CENPC: variants seen among roughly 807,000 people sequenced by gnomAD.
CENPC encodes centromere protein C, also known as CENP-C 1.
Under a neutral mutation model 112.1 loss-of-function variants are expected in CENPC, and 63 were observed. The ratio of observed to expected loss-of-function variants is 0.56; its 90% CI spans 0.46 to 0.69. CENPC has a LOEUF of 0.69. CENPC is among the 30% of genes least tolerant of loss of function. The probability of loss-of-function intolerance (pLI) is 0.00; values close to 1 mark genes in which losing one functional copy is unlikely to be tolerated. For synonymous variants in CENPC, 333 were observed against 367.6 expected, an observed-to-expected ratio of 0.91 and a Z score of 1.08; for missense variants, 1,000 against 1,103.8, an observed-to-expected ratio of 0.91 and a Z score of 1.33.
intron 4 of CENPC, among the ~76,000 whole-genome samples, chr4:67,532,802 C>G (rs533285175): frequency 6.6e-6 from 1 of 151,978 alleles, no homozygotes; most frequent in Non-Finnish European, 1.5e-5. Flanking sequence ...ATGTAAATGA[C>G]GAGTTAACGG....
chr4:67,482,830 A>G (rs373813838), intron 17 of CENPC, among the ~76,000 whole-genome samples: 13 of 152,200 alleles, frequency 8.5e-5, no homozygotes, highest in African/African-American at 2.7e-4. Flanking sequence ...CCAAAATCTC[A>G]GAAATCACCA....
intron 5 of CENPC, among the ~76,000 whole-genome samples, chr4:67,519,730 A>G (rs1425224172): frequency 6.6e-6 from 1 of 152,220 alleles, no homozygotes; most frequent in African/African-American, 2.4e-5. Flanking sequence ...ATATTTACAC[A>G]TACACACATG....
chr4:67,512,691 A>G (rs951729574), intron 8 of CENPC, 122 bp from the exon 9 acceptor site: 1 of 638,670 alleles, frequency 1.6e-6, no homozygotes, highest in Admixed American at 3.7e-5. Context: ...TGGCCTTTTC[A>G]TCTCCATTTT....
chr4:67,497,568 T>C (rs1257488364), intron 12 of CENPC, among the ~76,000 whole-genome samples: 1 of 152,178 alleles, frequency 6.6e-6, no homozygotes, highest in Non-Finnish European at 1.5e-5. Flanking sequence ...AGTCTCACTC[T>C]GTCACCCAGG....
intron 4 of CENPC, among the ~76,000 whole-genome samples, chr4:67,532,642 C>T (rs992962589): frequency 1.3e-5 from 2 of 151,816 alleles, no homozygotes; most frequent in South Asian, 2.1e-4. Context: ...CAAACTATTG[C>T]GAGGACAGAA....
Position 67,492,982 on chromosome 4 carries a change from C to T in CENPC, c.2306G>A (p.Ser769Asn), listed in dbSNP as rs1265062849. ...TATTGTGTCTGGAGATAGTACTCCA[C>T]TAATCACGAATCCTCCTGAAATTTA... ...QGRPSGGFVI[S>N]GVLSPDTISS... The change falls in exon 15 of 19, where the codon AGT becomes AAT. Residue 769 changes from serine (S) to asparagine (N), a missense_variant. Ser to Asn is a conservative substitution (Grantham distance 46). Transcript: ENST00000273853. The T allele has an allele frequency of 4.6e-6, 7 of 1,526,580 alleles. No individual in the cohort carries two copies. In the African/African-American group the frequency reaches 9.8e-5, roughly 21 times the overall value. 94.6% of individuals were successfully genotyped at this position (1,526,580 alleles called of 1,614,324 possible).
chr4:67,544,490 T>C (rs898104493), intron 1 of CENPC, among the ~76,000 whole-genome samples: 3 of 152,320 alleles, frequency 2.0e-5, no homozygotes, highest in Middle Eastern at 3.4e-3. Context: ...GTAAAAAGTA[T>C]AGATTATATT....
At chr4:67,474,453 T>C (rs890354063) in intron 18 of CENPC, among the ~76,000 whole-genome samples, 10 of 152,218 alleles carry the variant, frequency 6.6e-5, no homozygotes, top group Admixed American at 3.3e-4. Context: ...CCTGTAATCA[T>C]AGCACTTTGG....
chr4:67,491,534 T>C (rs1332186113), intron 16 of CENPC, among the ~76,000 whole-genome samples: 5 of 42,148 alleles, frequency 1.2e-4, no homozygotes, highest in African/African-American at 2.9e-4. Context: ...GAGAGCCTGG[T>C]TGTTAAACAG....
Position 67,506,046 on chromosome 4 carries a change from AG to A in CENPC, c.2051+741del, listed in dbSNP as rs397881273. Among the ~76,000 whole-genome samples the A allele has an allele frequency of 3.4e-4, 52 of 152,336 alleles. No homozygotes were observed. The South Asian group carries it at 9.5e-3, about 28-fold the overall frequency. On this transcript the variant is annotated intron_variant, in intron 11 of 18. Transcript: ENST00000273853. ...ATCTCTTTCTACCTATTATGAACCC[AG>A]GATAAGCCTAGTCATAACCTCACAA...
Position 67,519,212 on chromosome 4 carries a change from G to T in CENPC, c.617+5C>A. The T allele has an allele frequency of 2.0e-6, 3 of 1,521,686 alleles. No individual in the cohort carries two copies. The highest frequency in any genetic ancestry group is 2.2e-5 in the Admixed American group (1 of 46,012). 94.3% of individuals were successfully genotyped at this position (1,521,686 alleles called of 1,614,324 possible). A position where few individuals can be genotyped will look rare whatever the true frequency, so the allele number is the denominator to read the frequency against. ...TGCGTTAACATTATTTAAATAAAAT[G>T]TTACCTTTTTTTGGTTTTAACTGAA... is the stretch of plus-strand genomic sequence containing the variant. On this transcript the variant is annotated splice_donor_5th_base_variant and intron_variant, in intron 6 of 18. Transcript: ENST00000273853.
intron 16 of CENPC, among the ~76,000 whole-genome samples, chr4:67,490,837 AATATATATATATATATATATATATATAT>A (rs57498869): frequency 1.8e-5 from 1 of 57,112 alleles, no homozygotes; most frequent in African/African-American, 5.9e-5. Flanking sequence ...TATAGAAATA[AATATATATATATATATATATATATATAT>A]ATATATATAT....
intron 12 of CENPC, among the ~76,000 whole-genome samples, chr4:67,497,645 G>A (rs1015190296): frequency 2.6e-5 from 4 of 151,982 alleles, no homozygotes; most frequent in East Asian, 1.9e-4. Flanking sequence ...TGATCCTCCC[G>A]CCTCAGCCCG....
In CENPC at chr4:67,529,347, C is replaced by T. The variant is rs183673325; in HGVS notation, c.331+1468G>A. Among the ~76,000 whole-genome samples the T allele has an allele frequency of 5.0e-4, 76 of 152,066 alleles. No homozygotes were observed. In the South Asian group the frequency reaches 8.7e-3, roughly 17 times the overall value. ...TTATTTATTTATTTATTTTTGGAGA[C>T]GGGGTCTCACTCTGTCGCCCAGGCT... On this transcript the variant is annotated intron_variant, in intron 5 of 18. Coordinates refer to ENST00000273853, the MANE Select transcript of CENPC (RefSeq NM_001812.4).
intron 17 of CENPC, among the ~76,000 whole-genome samples, chr4:67,488,516 A>C (rs1296199148): frequency 6.6e-6 from 1 of 152,004 alleles, no homozygotes; most frequent in African/African-American, 2.4e-5. Context: ...ATACTTTTCT[A>C]ATAATTTCCA....
At chr4:67,499,280 G>GACTTCTCC (rs1191043921) in intron 12 of CENPC, among the ~76,000 whole-genome samples, 1 of 152,184 alleles carries the variant, frequency 6.6e-6, no homozygotes, top group Admixed American at 6.5e-5. Flanking sequence ...GTCATGCATT[G>GACTTCTCC]ACTTCTCCTC....
At chr4:67,529,011 C>G (rs1293715291) in intron 5 of CENPC, among the ~76,000 whole-genome samples, 1 of 152,132 alleles carries the variant, frequency 6.6e-6, no homozygotes, top group Admixed American at 6.5e-5. Flanking sequence ...AATAGCTAAC[C>G]TAGTGAGTGT....
Position 67,508,938 on chromosome 4 carries a change from AC to A in CENPC, c.1779del (p.Lys593AsnfsTer3), listed in dbSNP as rs1725813121. 6.2e-7 allele frequency: 1 copy of A among 1,613,616 alleles called. No homozygotes were observed. The highest frequency in any genetic ancestry group is 8.5e-7 in the Non-Finnish European group (1 of 1,179,734). On this transcript the variant is annotated frameshift_variant, in exon 10 of 19. Coordinates refer to ENST00000273853, the MANE Select transcript of CENPC (RefSeq NM_001812.4). LOFTEE classifies it high-confidence loss of function. ...CCTCCAGAACCTTCAGCATTTAAAA[AC>A]TTCTGTACTCTTTGGTTGCCTTTAG... Reference protein sequence around the residue: ...TATKGNQRVQKFLNAEGSGGI... With the variant: ...TATKGNQRVQXFLNAEGSGGI...
chr4:67,468,946 TAA>T lies in CENPC; in HGVS notation c.*3657_*3658del, dbSNP rs1353936536. On this transcript the variant is annotated 3_prime_UTR_variant, in exon 19 of 19. Transcript: ENST00000273853. ...ATTATTCCATTGCTACAACAATATA[TAA>T]GTGACAATATTACAGAGATGAAGAA... 6.6e-6 allele frequency: 1 copy of T among 152,210 alleles called. No homozygotes were observed. The highest frequency in any genetic ancestry group is 1.5e-5 in the Non-Finnish European group (1 of 68,028). 9.4% of individuals were successfully genotyped at this position (152,210 alleles called of 1,614,324 possible).
Sources: gnomAD v4.1 joint callset for allele counts (sites outside exome capture counted in the v4.1 genomes callset) on GRCh38, gnomAD v4.1.1 for gene constraint, MANE v1.5 for transcripts, NCBI Gene and HGNC (gene_info 2026-07-23, HGNC 2026-07-21) for gene names.